MGAT4C: variants seen among roughly 807,000 people sequenced by gnomAD.
The protein encoded by MGAT4C is alpha-1,3-mannosyl-glycoprotein 4-beta-N-acetylglucosaminyltransferase C.
A neutral mutation model predicts 40.1 loss-of-function variants in MGAT4C; 19 were observed. The ratio of observed to expected loss-of-function variants is 0.47; its 90% confidence interval spans 0.33 to 0.70. The LOEUF (loss-of-function observed/expected upper bound fraction) is 0.70. Ranked by LOEUF, MGAT4C falls within the 30% of genes least tolerant of loss-of-function variation. The probability of loss-of-function intolerance (pLI) is 0.02; values close to 1 mark genes in which losing one functional copy is unlikely to be tolerated. For missense variants in MGAT4C, 491 were observed against 563.2 expected, an observed-to-expected ratio of 0.87 and a Z score of 1.30; for synonymous variants, 181 against 187.1, an observed-to-expected ratio of 0.97 and a Z score of 0.27.
At chr12:86,108,945 C>A (rs1876714249) in intron 1 of MGAT4C, among the ~76,000 whole-genome samples, 1 of 152,096 alleles carries the variant, frequency 6.6e-6, no homozygotes, top group Non-Finnish European at 1.5e-5. Context: ...TAAACCTTCA[C>A]AAGAAATAAA....
Position 86,092,696 on chromosome 12 carries a change from T to A in MGAT4C, c.-56-42973A>T, listed in dbSNP as rs1873100745. 3.9e-5 allele frequency among the ~76,000 whole-genome samples: 6 copies of A among 152,236 alleles called. No individual in the cohort carries two copies. The South Asian group carries it at 1.2e-3, about 32-fold the overall frequency. Reference sequence around the variant, plus strand: ...TAACCTTAACCATTATTCTCAAGCATCTAGACCCATCGTCTCTTTATCATT... The same window carrying A: ...TAACCTTAACCATTATTCTCAAGCAACTAGACCCATCGTCTCTTTATCATT... On this transcript the variant is annotated intron_variant, in intron 1 of 4. Coordinates refer to ENST00000611864, the MANE Select transcript of MGAT4C (RefSeq NM_001351288.2).
chr12:86,618,116 A>C, intron 2 of MGAT4C, among the ~76,000 whole-genome samples: 2 of 152,332 alleles, frequency 1.3e-5, no homozygotes, highest in Middle Eastern at 6.8e-3. Flanking sequence ...TGCAAATCAA[A>C]ACCACAATGA....
intron 4 of MGAT4C, among the ~76,000 whole-genome samples, chr12:86,282,861 T>C (rs1365694626): frequency 1.3e-5 from 2 of 152,164 alleles, no homozygotes; most frequent in African/African-American, 4.8e-5. Flanking sequence ...ATATCTTTTC[T>C]GGACTCTTGA....
chr12:86,423,344 G>T (rs1052975369), intron 3 of MGAT4C, among the ~76,000 whole-genome samples: 3 of 151,490 alleles, frequency 2.0e-5, no homozygotes, highest in Non-Finnish European at 4.4e-5. Flanking sequence ...AATTATGGAA[G>T]TTGGAGTTTT....
intron 1 of MGAT4C, among the ~76,000 whole-genome samples, chr12:86,817,084 GTTACA>G (rs2136222883): frequency 6.7e-6 from 1 of 149,888 alleles, no homozygotes; most frequent in South Asian, 2.1e-4. Flanking sequence ...AATTATACAT[GTTACA>G]TTAATTTTCA....
intron 1 of MGAT4C, among the ~76,000 whole-genome samples, chr12:86,083,068 A>G (rs189774140): frequency 6.6e-6 from 1 of 152,234 alleles, no homozygotes; most frequent in East Asian, 1.9e-4. Flanking sequence ...TGTGTCCTTT[A>G]ATGGTGTCAT....
intron 4 of MGAT4C, among the ~76,000 whole-genome samples, chr12:86,318,228 A>G (rs537597668): frequency 5.0e-4 from 76 of 152,204 alleles, no homozygotes; most frequent in Non-Finnish European, 8.5e-4. Flanking sequence ...GTCATTTTTC[A>G]TATTAGGTTT....
intron 2 of MGAT4C, among the ~76,000 whole-genome samples, chr12:86,720,028 C>T: frequency 6.6e-6 from 1 of 152,084 alleles, no homozygotes; most frequent in East Asian, 1.9e-4. Context: ...TTTGATCTTT[C>T]ATTATAAAAC....
chr12:86,320,047 T>C (rs1954342229), intron 4 of MGAT4C, among the ~76,000 whole-genome samples: 1 of 152,150 alleles, frequency 6.6e-6, no homozygotes, highest in South Asian at 2.1e-4. Flanking sequence ...AAGGACAGAC[T>C]GATATCTGCA....
intron 2 of MGAT4C, among the ~76,000 whole-genome samples, chr12:86,509,357 G>A (rs1433824728): frequency 6.6e-6 from 1 of 152,160 alleles, no homozygotes; most frequent in Non-Finnish European, 1.5e-5. Flanking sequence ...GTTTGTCAAA[G>A]ATCAGATAGT....
Position 85,962,457 on chromosome 12 carries a change from T to C in MGAT4C, c.*16832A>G, listed in dbSNP as rs1382958345. 1.3e-5 allele frequency: 2 copies of C among 148,376 alleles called. No individual in the cohort carries two copies. Among genetic ancestry groups the C allele is most frequent in the Non-Finnish European group, 3.0e-5 (2 of 67,084 alleles). 9.2% of individuals were successfully genotyped at this position (148,376 alleles called of 1,614,324 possible). A position where few individuals can be genotyped will look rare whatever the true frequency, so the allele number is the denominator to read the frequency against. Reference sequence around the variant, plus strand: ...TTTTATAATTAATTATAAAATAAAATATTAACAATAATTGAACATTGTTTA... The same window carrying C: ...TTTTATAATTAATTATAAAATAAAACATTAACAATAATTGAACATTGTTTA... On this transcript the variant is annotated 3_prime_UTR_variant, in exon 5 of 5. Coordinates refer to ENST00000611864, the MANE Select transcript of MGAT4C (RefSeq NM_001351288.2).
At chr12:86,495,661 G>A (rs1260406990) in intron 2 of MGAT4C, among the ~76,000 whole-genome samples, 1 of 152,036 alleles carries the variant, frequency 6.6e-6, no homozygotes, top group East Asian at 1.9e-4. Flanking sequence ...GGAAGTTCTT[G>A]TGGGGATGGT....
At chr12:86,508,313 G>A (rs1034526363) in intron 2 of MGAT4C, among the ~76,000 whole-genome samples, 1 of 152,072 alleles carries the variant, frequency 6.6e-6, no homozygotes, top group East Asian at 1.9e-4. Context: ...GCGGTGTTTG[G>A]TTTTTTGTTC....
At chr12:86,067,107 G>A (rs1464043923) in intron 1 of MGAT4C, among the ~76,000 whole-genome samples, 1 of 152,198 alleles carries the variant, frequency 6.6e-6, no homozygotes, top group Non-Finnish European at 1.5e-5. Context: ...TACATTATTT[G>A]TGGGAGTGTA....
At chr12:86,399,506 C>T (rs909420417) in intron 3 of MGAT4C, among the ~76,000 whole-genome samples, 1 of 152,126 alleles carries the variant, frequency 6.6e-6, no homozygotes, top group African/African-American at 2.4e-5. Flanking sequence ...TGGTCTCCAT[C>T]TCCTGACCTC....
At chr12:86,587,293 T>C (rs974176907) in intron 2 of MGAT4C, among the ~76,000 whole-genome samples, 3 of 152,132 alleles carry the variant, frequency 2.0e-5, no homozygotes, top group Non-Finnish European at 2.9e-5. Flanking sequence ...GAGGACTCTG[T>C]TCTGTTCCAT....
chr12:86,489,039 T>A (rs557231122), intron 2 of MGAT4C, among the ~76,000 whole-genome samples: 186 of 152,112 alleles, frequency 1.2e-3, no homozygotes, highest in Middle Eastern at 3.2e-3. Context: ...CTGAATAACA[T>A]CTTTTTGCCA....
intron 1 of MGAT4C, among the ~76,000 whole-genome samples, chr12:86,234,885 T>C (rs925501732): frequency 2.0e-5 from 3 of 152,102 alleles, no homozygotes; most frequent in Non-Finnish European, 4.4e-5. Context: ...TGGTACTTCA[T>C]CTGACACCAC....
chr12:86,461,438 G>A (rs1957599562), intron 2 of MGAT4C, among the ~76,000 whole-genome samples: 1 of 151,726 alleles, frequency 6.6e-6, no homozygotes, highest in Non-Finnish European at 1.5e-5. Context: ...GTAGAGACGG[G>A]GTTTCACCTT....
Sources: allele counts gnomAD v4.1 joint callset (sites outside exome capture counted in the v4.1 genomes callset), GRCh38; gene constraint gnomAD v4.1.1; transcripts MANE v1.5; gene names NCBI Gene and HGNC (gene_info 2026-07-23, HGNC 2026-07-21).